KLHL3: variants seen among roughly 807,000 people sequenced by gnomAD.
KLHL3 encodes the protein kelch like family member 3, also known as kelch-like protein 3.
Under a neutral mutation model 70.5 loss-of-function variants are expected in KLHL3, and 19 were observed. The ratio of observed to expected loss-of-function variants is 0.27; its 90% CI spans 0.19 to 0.40. KLHL3 has a LOEUF of 0.40. KLHL3 is among the 10% of genes least tolerant of loss of function. The pLI is 1.00. For missense variants in KLHL3, 512 were observed against 771.1 expected (o/e 0.66, Z 3.98); for synonymous variants, 258 against 290.3 (o/e 0.89, Z 1.13).
chr5:137,626,992 G>A (rs1322733103), intron 13 of KLHL3, among the ~76,000 whole-genome samples: 4 of 124,076 alleles, frequency 3.2e-5, no homozygotes, highest in African/African-American at 1.0e-4. Flanking sequence ...GCGAGATCCT[G>A]TCTCAAAAAA....
At chr5:137,665,078 C>T (rs1352168299) in intron 6 of KLHL3, among the ~76,000 whole-genome samples, 1 of 152,108 alleles carries the variant, frequency 6.6e-6, no homozygotes, top group East Asian at 1.9e-4. Flanking sequence ...TAACCTGAAT[C>T]TTACGGTGAG....
intron 14 of KLHL3, among the ~76,000 whole-genome samples, chr5:137,624,002 C>T (rs2149875306): frequency 6.6e-6 from 1 of 152,304 alleles, no homozygotes; most frequent in South Asian, 2.1e-4. Context: ...TACAACTTTG[C>T]ATCCTTTTTT....
At chr5:137,684,536 T>C (rs2905591) in intron 5 of KLHL3, among the ~76,000 whole-genome samples, 120,511 of 152,172 alleles carry the variant, frequency 0.79, 48,002 homozygotes, top group East Asian at 0.98. Flanking sequence ...TGGAGGTTTT[T>C]GCTTAGCTTT....
At chr5:137,652,598 C>T (rs182257071) in intron 8 of KLHL3, among the ~76,000 whole-genome samples, 5 of 152,174 alleles carry the variant, frequency 3.3e-5, no homozygotes, top group East Asian at 3.9e-4. Context: ...CACTCATACG[C>T]GGAATCTAAA....
chr5:137,637,280 T>C lies in KLHL3; in HGVS notation c.1321+14A>G, dbSNP rs1580722946. ...CCAGGTAGGCCTGGCCACTGGCCAC[T>C]GCCGCCTCCTTACCCTCCACAACGC... On this transcript the variant is annotated intron_variant, in intron 11 of 14. Transcript: ENST00000309755. 1 of 1,612,804 alleles carries C rather than the reference T, an allele frequency of 6.2e-7. No individual in the cohort carries two copies.
intron 12 of KLHL3, among the ~76,000 whole-genome samples, chr5:137,633,235 C>T (rs890977551): frequency 3.1e-5 from 4 of 129,106 alleles, no homozygotes; most frequent in East Asian, 2.5e-4. Flanking sequence ...GCCGAGATAG[C>T]GCCACTGCAC....
chr5:137,728,357 A>T (rs552770606), intron 1 of KLHL3, among the ~76,000 whole-genome samples: 58 of 152,296 alleles, frequency 3.8e-4, no homozygotes, highest in African/African-American at 1.4e-3. Context: ...TGAGTAAATT[A>T]ATAGGTAGAT....
intron 14 of KLHL3, among the ~76,000 whole-genome samples, chr5:137,623,211 A>C (rs1297623049): frequency 5.3e-5 from 8 of 152,240 alleles, no homozygotes; most frequent in Admixed American, 5.2e-4. Flanking sequence ...CCTGTTGCTA[A>C]ATGAAATCCT....
chr5:137,734,901 G>A (rs1753236279), intron 1 of KLHL3, among the ~76,000 whole-genome samples: 1 of 152,220 alleles, frequency 6.6e-6, no homozygotes, highest in Non-Finnish European at 1.5e-5. Context: ...AGATGTGTGT[G>A]CCTGCCAGGA....
chr5:137,727,403 T>C (rs1753101701), intron 1 of KLHL3, among the ~76,000 whole-genome samples: 1 of 152,186 alleles, frequency 6.6e-6, no homozygotes, highest in South Asian at 2.1e-4. Flanking sequence ...CAGAGGGACT[T>C]TTCCAAAATG....
intron 3 of KLHL3, among the ~76,000 whole-genome samples, chr5:137,701,991 G>A (rs968370886): frequency 6.6e-6 from 1 of 152,164 alleles, no homozygotes; most frequent in Non-Finnish European, 1.5e-5. Flanking sequence ...ATTCTCTCTA[G>A]GGCAGATATT....
chr5:137,685,068 C>T (rs1030451093), intron 5 of KLHL3, among the ~76,000 whole-genome samples: 39 of 152,062 alleles, frequency 2.6e-4, no homozygotes, highest in African/African-American at 8.2e-4. Flanking sequence ...CTGGAAAAGC[C>T]GAGGACCTAT....
intron 7 of KLHL3, among the ~76,000 whole-genome samples, chr5:137,659,076 C>T (rs1046106286): frequency 1.3e-5 from 2 of 152,198 alleles, no homozygotes; most frequent in East Asian, 3.8e-4. Context: ...TGGCCCAGGT[C>T]AGATCACTGT....
At chr5:137,634,233 C>T (rs1006966946) in intron 11 of KLHL3, 68 bp from the exon 12 acceptor site, 1 of 1,512,560 alleles carries the variant, frequency 6.6e-7, no homozygotes, top group Non-Finnish European at 8.8e-7. Context: ...TCAGCTGAAA[C>T]CCTATCTGCA....
chr5:137,720,286 G>C (rs1752972295), intron 2 of KLHL3, among the ~76,000 whole-genome samples, 179 bp downstream of exon 2: 1 of 151,334 alleles, frequency 6.6e-6, no homozygotes, highest in African/African-American at 2.4e-5. Context: ...GGATGACAGA[G>C]CAAGATTCCG....
intron 8 of KLHL3, among the ~76,000 whole-genome samples, chr5:137,645,207 A>C (rs1459802610): frequency 1.3e-5 from 2 of 152,202 alleles, no homozygotes; most frequent in Admixed American, 6.5e-5. Flanking sequence ...AGCTAACATC[A>C]TACTAGAAAG....
intron 2 of KLHL3, among the ~76,000 whole-genome samples, chr5:137,711,297 T>C (rs1241459946): frequency 6.6e-6 from 1 of 152,212 alleles, no homozygotes; most frequent in African/African-American, 2.4e-5. Flanking sequence ...GAGCTGCAAA[T>C]GCTACTAGAG....
rs371192415 is a variant in KLHL3, at chr5:137,639,094, G to T, written c.1078C>A (p.Arg360=). The change falls in exon 10 of 15, where the codon CGG becomes AGG. Residue 360 remains arginine (R), a synonymous_variant. Coordinates refer to ENST00000309755, the MANE Select transcript of KLHL3 (RefSeq NM_017415.3). The surrounding 1 kb of genome is among the most constrained non-coding windows in gnomAD (Gnocchi z 5.0). ...YAVGGFNGSL[R]VRTVDVYDGV... ...TCATACACATCCACTGTCCGCACCC[G>T]CAGTGAGCCATTAAACCCTCCCACG... 2.5e-6 allele frequency: 4 copies of T among 1,613,738 alleles called. No homozygotes were observed. Among genetic ancestry groups the T allele is most frequent in the African/African-American group, 1.3e-5 (1 of 74,854 alleles).
chr5:137,667,781 C>T (rs530605253), intron 6 of KLHL3, among the ~76,000 whole-genome samples: 97 of 152,204 alleles, frequency 6.4e-4, no homozygotes, highest in Non-Finnish European at 1.0e-3. Flanking sequence ...AAGAGAAAGA[C>T]GCTAATTTTG....
Sources: allele counts gnomAD v4.1 joint callset (sites outside exome capture counted in the v4.1 genomes callset), GRCh38; gene constraint gnomAD v4.1.1; non-coding constraint Gnocchi (gnomAD v3.1); transcripts MANE v1.5; gene names NCBI Gene and HGNC (gene_info 2026-07-23, HGNC 2026-07-21).